Variants in HS6ST3 observed in about 807,000 individuals in gnomAD.
HS6ST3 encodes heparan sulfate 6-O-sulfotransferase 3.
Under a neutral mutation model 36.7 loss-of-function variants are expected in HS6ST3, and 12 were observed. The ratio of observed to expected loss-of-function variants is 0.33; its 90% confidence interval spans 0.21 to 0.53. The LOEUF is 0.53. HS6ST3 is among the 20% of genes least tolerant of loss of function. The pLI, the probability that HS6ST3 is intolerant of heterozygous loss-of-function variation, is 0.95. For synonymous variants in HS6ST3, 240 were observed against 257.5 expected, an observed-to-expected ratio of 0.93 and a Z score of 0.65; for missense variants, 584 against 640.9, an observed-to-expected ratio of 0.91 and a Z score of 0.96.
chr13:96,649,044 A>C (rs920231817), intron 1 of HS6ST3, among the ~76,000 whole-genome samples: 12 of 151,958 alleles, frequency 7.9e-5, no homozygotes, highest in Non-Finnish European at 1.8e-4. Flanking sequence ...TTGAGCTCAA[A>C]ATGTGATGAT....
Position 96,130,608 on chromosome 13 carries a change from T to C in HS6ST3, c.707+39039T>C, listed in dbSNP as rs1198632084. Among the ~76,000 whole-genome samples, 4 of 152,170 alleles carry C rather than the reference T, an allele frequency of 2.6e-5. No individual in the cohort carries two copies. The East Asian group carries it at 7.7e-4, about 29-fold the overall frequency. ...AAAAAATAACATACCTAACCAATCATTGTGAACTTGTCTTTCCTTAATTCC... is the reference window on the plus strand; with the variant it reads ...AAAAAATAACATACCTAACCAATCACTGTGAACTTGTCTTTCCTTAATTCC... On this transcript the variant is annotated intron_variant, in intron 1 of 1. Coordinates refer to ENST00000376705, the MANE Select transcript of HS6ST3 (RefSeq NM_153456.4).
chr13:96,231,309 T>C (rs769360877), intron 1 of HS6ST3, among the ~76,000 whole-genome samples: 4 of 152,170 alleles, frequency 2.6e-5, no homozygotes, highest in Non-Finnish European at 5.9e-5. Flanking sequence ...GTGATGCTGA[T>C]ACTATAGTCC....
At chr13:96,116,284 TG>T (rs2053893797) in intron 1 of HS6ST3, among the ~76,000 whole-genome samples, 1 of 152,206 alleles carries the variant, frequency 6.6e-6, no homozygotes, top group African/African-American at 2.4e-5. Context: ...TATATATTTT[TG>T]GCAGAGAAAT....
At chr13:96,276,930 G>C (rs1179080516) in intron 1 of HS6ST3, among the ~76,000 whole-genome samples, 1 of 152,162 alleles carries the variant, frequency 6.6e-6, no homozygotes, top group Non-Finnish European at 1.5e-5. Context: ...CAACAGTCTT[G>C]CAGTTCTGGA....
At chr13:96,106,310 A>C (rs1384413955) in intron 1 of HS6ST3, among the ~76,000 whole-genome samples, 1 of 152,150 alleles carries the variant, frequency 6.6e-6, no homozygotes, top group Non-Finnish European at 1.5e-5. Flanking sequence ...TAGGTTATAA[A>C]AGGACTGTGG....
chr13:96,492,599 CT>C (rs2055952167), intron 1 of HS6ST3, among the ~76,000 whole-genome samples: 1 of 152,188 alleles, frequency 6.6e-6, no homozygotes, highest in Non-Finnish European at 1.5e-5. Context: ...TTCACCGTTT[CT>C]AAGAGGGCAA....
chr13:96,448,941 C>G (rs1391621952), intron 1 of HS6ST3, among the ~76,000 whole-genome samples: 1 of 151,614 alleles, frequency 6.6e-6, no homozygotes, highest in Non-Finnish European at 1.5e-5. Flanking sequence ...TTTGTCTCAC[C>G]TTTGGCATAA....
At position 96,834,111 on chromosome 13, in the gene HS6ST3, C is replaced by T. The variant is rs1878869504; in HGVS notation, c.*913C>T. ...ACCTTAGATTTTTAAAGGAATATTT[C>T]AGAGTTTAATCTTTTTGGAGAAGTT... On this transcript the variant is annotated 3_prime_UTR_variant, in exon 2 of 2. Coordinates refer to ENST00000376705, the MANE Select transcript of HS6ST3 (RefSeq NM_153456.4). 6.6e-6 allele frequency: 1 copy of T among 152,168 alleles called. No individual in the cohort carries two copies. 9.4% of individuals were successfully genotyped at this position (152,168 alleles called of 1,614,324 possible).
chr13:96,445,761 G>A (rs1039090471), intron 1 of HS6ST3, among the ~76,000 whole-genome samples: 18 of 152,026 alleles, frequency 1.2e-4, no homozygotes, highest in African/African-American at 3.4e-4. Flanking sequence ...CCAGCAACTC[G>A]GGAGGCTGAG....
chr13:96,620,888 C>T (rs2138994568), intron 1 of HS6ST3, among the ~76,000 whole-genome samples: 1 of 152,210 alleles, frequency 6.6e-6, no homozygotes, highest in African/African-American at 2.4e-5. Flanking sequence ...TGGCTACAAA[C>T]TAAGTTGGCA....
At chr13:96,605,590 C>T (rs1309410082) in intron 1 of HS6ST3, among the ~76,000 whole-genome samples, 1 of 152,120 alleles carries the variant, frequency 6.6e-6, no homozygotes, top group African/African-American at 2.4e-5. Context: ...ATAATCAGAA[C>T]TATTCCATCC....
chr13:96,432,293 A>G (rs981970097), intron 1 of HS6ST3, among the ~76,000 whole-genome samples: 2 of 152,160 alleles, frequency 1.3e-5, no homozygotes, highest in African/African-American at 4.8e-5. Flanking sequence ...TACATTTACT[A>G]TACATTTTAC....
At chr13:96,182,869 C>T (rs2054246242) in intron 1 of HS6ST3, among the ~76,000 whole-genome samples, 1 of 152,224 alleles carries the variant, frequency 6.6e-6, no homozygotes, top group South Asian at 2.1e-4. Flanking sequence ...ATAGCCTAGT[C>T]ACTCACATCT....
intron 1 of HS6ST3, among the ~76,000 whole-genome samples, chr13:96,486,233 A>G (rs888719574): frequency 2.6e-5 from 4 of 152,056 alleles, no homozygotes; most frequent in Admixed American, 6.5e-5. Flanking sequence ...TATGGTGTAT[A>G]TGTGCCACAT....
At chr13:96,523,118 T>C (rs1294305780) in intron 1 of HS6ST3, among the ~76,000 whole-genome samples, 1 of 152,218 alleles carries the variant, frequency 6.6e-6, no homozygotes, top group Non-Finnish European at 1.5e-5. Flanking sequence ...CCTTCACTTA[T>C]GAAGCTTAGT....
At chr13:96,383,877 C>A (rs530852009) in intron 1 of HS6ST3, among the ~76,000 whole-genome samples, 4 of 152,100 alleles carry the variant, frequency 2.6e-5, no homozygotes, top group Non-Finnish European at 5.9e-5. Context: ...TTGGGGGAGC[C>A]CTGAGGCAGA....
intron 1 of HS6ST3, among the ~76,000 whole-genome samples, chr13:96,575,092 T>A (rs1307934320): frequency 6.6e-6 from 1 of 152,156 alleles, no homozygotes; most frequent in Non-Finnish European, 1.5e-5. Context: ...GAGACCCCCA[T>A]CAAGATCAGA....
Position 96,833,133 on chromosome 13 carries a change from A to C in HS6ST3, c.1351A>C (p.Lys451Gln), listed in dbSNP as rs112912651. The stretch of plus-strand genomic sequence containing the variant: ...AGAGCACAGGGACCACCAGTGGCCC[A>C]AAGAAGATGGGGCTGCAGAAGGGAC... The part of the protein sequence containing the change: ...QREHRDHQWP[K>Q]EDGAAEGTVT... Residue 451 changes from lysine (K) to glutamine (Q), a missense_variant, in exon 2 of 2, where the codon AAA becomes CAA. Lys to Gln is a moderately conservative substitution (Grantham distance 53). This residue lies in a region of HS6ST3 where 360 missense variants were observed against 411.3 expected (regional missense o/e 0.88). Coordinates refer to ENST00000376705, the MANE Select transcript of HS6ST3 (RefSeq NM_153456.4). 3.8e-4 allele frequency: 611 copies of C among 1,600,966 alleles called. 5 individuals are homozygous for C. In the African/African-American group the frequency reaches 6.8e-3, roughly 18 times the overall value.
intron 1 of HS6ST3, among the ~76,000 whole-genome samples, chr13:96,534,326 C>G (rs2056146999): frequency 6.6e-6 from 1 of 152,172 alleles, no homozygotes; most frequent in African/African-American, 2.4e-5. Context: ...GATATATATA[C>G]TGGCTGTATT....
Sources: gnomAD v4.1 joint callset for allele counts (sites outside exome capture counted in the v4.1 genomes callset) on GRCh38, gnomAD v4.1.1 for gene constraint, gnomAD v4.1.1 regional missense constraint, MANE v1.5 for transcripts, NCBI Gene and HGNC (gene_info 2026-07-23, HGNC 2026-07-21) for gene names.